Variants in THUMPD2 observed in about 807,000 individuals in gnomAD.
THUMPD2 encodes the protein U6 snRNA (guanine-N(2))-methyltransferase THUMPD2.
A neutral mutation model predicts 49.4 loss-of-function variants in THUMPD2; 56 were observed. The observed-to-expected ratio is 1.13, with a 90% CI of 0.91 to 1.41. The LOEUF is 1.41. Ranked by LOEUF, THUMPD2 falls within the 40% of genes most tolerant of loss-of-function variation. The pLI, the probability that THUMPD2 is intolerant of heterozygous loss-of-function variation, is 0.00. For missense variants in THUMPD2, 709 were observed against 594.5 expected (o/e 1.19, Z -2.00); for synonymous variants, 237 against 205.2 (o/e 1.15, Z -1.32).
At chr2:39,778,734 TAACA>T (rs918398925) in intron 1 of THUMPD2, among the ~76,000 whole-genome samples, 5 of 152,226 alleles carry the variant, frequency 3.3e-5, no homozygotes, top group African/African-American at 1.2e-4. Flanking sequence ...GTCAAGAAAC[TAACA>T]AAAAGTCAGG....
At chr2:39,762,107 T>C (rs1572836792) in intron 5 of THUMPD2, among the ~76,000 whole-genome samples, 1 of 152,258 alleles carries the variant, frequency 6.6e-6, no homozygotes, top group Non-Finnish European at 1.5e-5. Flanking sequence ...GTCTTTCTAA[T>C]GCAATGAACA....
At chr2:39,740,805 C>G (rs925731786) in intron 9 of THUMPD2, among the ~76,000 whole-genome samples, 4 of 152,116 alleles carry the variant, frequency 2.6e-5, no homozygotes, top group Non-Finnish European at 5.9e-5. Context: ...CTCCTGGGCT[C>G]AAGCGATCCT....
chr2:39,768,976 G>C (rs1163082577), intron 3 of THUMPD2: 1 of 1,304,488 alleles, frequency 7.7e-7, no homozygotes, highest in East Asian at 5.5e-5. Flanking sequence ...AACTTTGTAA[G>C]GGCCAACTGA....
rs770137041 is a variant in THUMPD2, at chr2:39,744,396, G to A, written c.1161C>T (p.Ile387=). 5 of 1,580,636 alleles carry A rather than the reference G, an allele frequency of 3.2e-6. No individual in the cohort carries two copies. The highest frequency in any genetic ancestry group is 4.3e-6 in the Non-Finnish European group (5 of 1,166,908). ...TTTCCATTTCTTGTAGAATGCTTTTGATGTCTTTTCCTAACTTAAACTTTT... is the reference window on the plus strand; with the variant it reads ...TTTCCATTTCTTGTAGAATGCTTTTAATGTCTTTTCCTAACTTAAACTTTT... ...FGKKFKLGKD[I]KSILQEMERV... is the part of the protein sequence containing the mutation. Residue 387 remains isoleucine, a synonymous_variant, in exon 9 of 10, where the codon ATC becomes ATT. Transcript: ENST00000505747.
At chr2:39,772,519 G>C (rs185666219) in intron 1 of THUMPD2, among the ~76,000 whole-genome samples, 1 of 152,276 alleles carries the variant, frequency 6.6e-6, no homozygotes, top group African/African-American at 2.4e-5. Flanking sequence ...ATAGAAGCAA[G>C]ACATATGCAT....
chr2:39,744,437 C>T lies in THUMPD2; in HGVS notation c.1120G>A (p.Asp374Asn). 1.3e-6 allele frequency: 2 copies of T among 1,589,246 alleles called. No individual in the cohort carries two copies. The highest frequency in any genetic ancestry group is 1.7e-6 in the Non-Finnish European group (2 of 1,170,982). ...TTAAACTTTTTCCCAAATGGAATGTCAGAAATAATAATATCAACACTTTCT... is the reference window on the plus strand; with the variant it reads ...TTAAACTTTTTCCCAAATGGAATGTTAGAAATAATAATATCAACACTTTCT... The part of the protein sequence containing the change: ...PSESVDIIIS[D>N]IPFGKKFKLG... Residue 374 changes from aspartate to asparagine, a missense_variant, in exon 9 of 10, where the codon GAC becomes AAC. By Grantham distance (23) the Asp-to-Asn change is conservative. Coordinates refer to ENST00000505747, the MANE Select transcript of THUMPD2 (RefSeq NM_025264.5).
At chr2:39,744,510 A>G in intron 8 of THUMPD2, 32 bp from the exon 9 acceptor site, 1 of 1,348,970 alleles carries the variant, frequency 7.4e-7, no homozygotes, top group Non-Finnish European at 1.0e-6. Context: ...ATCCTATTAC[A>G]GTAGGGTCAA....
At chr2:39,767,110 TTAC>T (rs1407338141) in intron 4 of THUMPD2, among the ~76,000 whole-genome samples, 1 of 152,246 alleles carries the variant, frequency 6.6e-6, no homozygotes, top group East Asian at 1.9e-4. Flanking sequence ...GTCACAAATT[TTAC>T]TACGTGTGAT....
chr2:39,742,625 A>C (rs190926865), intron 9 of THUMPD2, among the ~76,000 whole-genome samples: 1 of 152,314 alleles, frequency 6.6e-6, no homozygotes, highest in East Asian at 1.9e-4. Context: ...CGTTGCTCAC[A>C]CATTAGTATC....
intron 8 of THUMPD2, among the ~76,000 whole-genome samples, chr2:39,751,240 A>G (rs1675359066): frequency 6.6e-6 from 1 of 152,250 alleles, no homozygotes; most frequent in Non-Finnish European, 1.5e-5. Context: ...AGCAAGGAGA[A>G]AACAAACCAG....
At chr2:39,742,006 T>G (rs1673958381) in intron 9 of THUMPD2, among the ~76,000 whole-genome samples, 1 of 152,186 alleles carries the variant, frequency 6.6e-6, no homozygotes, top group Non-Finnish European at 1.5e-5. Flanking sequence ...GTAAGAGCTT[T>G]AAATCCACTG....
At chr2:39,766,432 G>A (rs1021332688) in intron 4 of THUMPD2, among the ~76,000 whole-genome samples, 5 of 152,046 alleles carry the variant, frequency 3.3e-5, no homozygotes, top group Admixed American at 6.6e-5. Flanking sequence ...AGTATTTTGC[G>A]TTGAGAAGAT....
At chr2:39,776,524 G>T (rs1679124482) in intron 1 of THUMPD2, among the ~76,000 whole-genome samples, 1 of 151,706 alleles carries the variant, frequency 6.6e-6, no homozygotes, top group African/African-American at 2.4e-5. Context: ...CTCCCGAACA[G>T]CCGGGACTAC....
rs1303005294 is a variant in THUMPD2 at position 39,744,018 on chromosome 2, G to A, written c.1187+352C>T. 4.7e-5 allele frequency among the ~76,000 whole-genome samples: 7 copies of A among 149,534 alleles called. No homozygotes were observed. In the South Asian group the frequency reaches 1.5e-3, roughly 32 times the overall value. ...CCCCAGATTCTCATCTGTTAAGTGT[G>A]GGGGATTAACACAGAGAAGGCAGGT... On this transcript the variant is annotated intron_variant, in intron 9 of 9. Transcript: ENST00000505747.
chr2:39,776,611 G>A (rs544295813), intron 1 of THUMPD2, among the ~76,000 whole-genome samples: 5 of 152,102 alleles, frequency 3.3e-5, no homozygotes, highest in East Asian at 1.9e-4. Context: ...GGCTGGTCTC[G>A]AACTCCTGAC....
chr2:39,739,925 C>T (rs1450067961), intron 9 of THUMPD2, among the ~76,000 whole-genome samples: 1 of 152,144 alleles, frequency 6.6e-6, no homozygotes, highest in African/African-American at 2.4e-5. Context: ...TGTACATAAC[C>T]TTTGACCCAG....
chr2:39,755,028 G>GC (rs1675907671), intron 8 of THUMPD2, among the ~76,000 whole-genome samples: 1 of 120,294 alleles, frequency 8.3e-6, no homozygotes, highest in East Asian at 2.8e-4. Context: ...TGGTTCAGAT[G>GC]CAACACTTTT....
intron 2 of THUMPD2, among the ~76,000 whole-genome samples, chr2:39,770,814 A>G (rs533779285): frequency 6.6e-6 from 1 of 152,186 alleles, no homozygotes; most frequent in African/African-American, 2.4e-5. Flanking sequence ...CTTGGTCTTG[A>G]TTTCTTGCCA....
chr2:39,740,011 A>G (rs1021122085), intron 9 of THUMPD2, among the ~76,000 whole-genome samples: 2 of 152,214 alleles, frequency 1.3e-5, no homozygotes, highest in African/African-American at 4.8e-5. Flanking sequence ...AATAATGGTG[A>G]TATAGCTAAT....
Sources: gnomAD v4.1 joint callset for allele counts (sites outside exome capture counted in the v4.1 genomes callset) on GRCh38, gnomAD v4.1.1 for gene constraint, MANE v1.5 for transcripts, NCBI Gene and HGNC (gene_info 2026-07-23, HGNC 2026-07-21) for gene names.